Variants in CLHC1 observed in about 807,000 individuals in gnomAD.
The protein encoded by CLHC1 is clathrin heavy chain linker domain-containing protein 1.
In CLHC1, 72 loss-of-function variants were observed where a neutral mutation model predicts 69.5. The ratio of observed to expected loss-of-function variants is 1.04; its 90% CI spans 0.86 to 1.26. The LOEUF is 1.26. Among genes scored for constraint, CLHC1 ranks in the 50% most tolerant of loss-of-function variants. The pLI is 0.00. For missense variants in CLHC1, 790 were observed against 679.3 expected (o/e 1.16, Z -1.81); for synonymous variants, 223 against 224.3 (o/e 0.99, Z 0.05).
intron 3 of CLHC1, chr2:55,218,709 T>A (rs772316475): frequency 6.6e-6 from 1 of 152,224 alleles, no homozygotes; most frequent in African/African-American, 2.4e-5. Flanking sequence ...GTTAATCTTA[T>A]ATATGCATTA....
Position 55,232,236 on chromosome 2 carries a change from C to T in CLHC1, c.-269G>A. The stretch of plus-strand genomic sequence containing the variant: ...GCTTCATCCTACCTCCAGTCCTCAC[C>T]TGAGTCCTTTTCTCCAAACACCGAC... On this transcript the variant is annotated 5_prime_UTR_variant, in exon 1 of 13. Transcript: ENST00000401408. 1 of 181,132 alleles carries T rather than the reference C, an allele frequency of 5.5e-6. No individual in the cohort carries two copies. Among genetic ancestry groups the T allele is most frequent in the South Asian group, 1.0e-4 (1 of 9,858 alleles). The allele number at this position is 181,132 out of a possible 1,614,324, so 11.2% of individuals were successfully genotyped here.
Position 55,225,799 on chromosome 2 carries a change from T to A in CLHC1, c.-83+2233A>T, listed in dbSNP as rs192615298. On this transcript the variant is annotated intron_variant, in intron 2 of 12. Transcript: ENST00000401408. The stretch of plus-strand genomic sequence containing the variant: ...TAGCAGTTGGTGGGGCACTGATCTG[T>A]GAGCTCTGGAATGTCTGCTTAGATT... 7 of 152,388 alleles carry A rather than the reference T, an allele frequency of 4.6e-5. No individual in the cohort carries two copies. The East Asian group carries it at 1.3e-3, about 29-fold the overall frequency. 9.4% of individuals were successfully genotyped at this position (152,388 alleles called of 1,614,324 possible).
At chr2:55,203,049 A>T (rs1672113233) in intron 9 of CLHC1, among the ~76,000 whole-genome samples, 1 of 152,200 alleles carries the variant, frequency 6.6e-6, no homozygotes, top group Admixed American at 6.5e-5. Context: ...TAATAGCCAC[A>T]AATTAAATAC....
chr2:55,213,884 A>G (rs933407155), intron 4 of CLHC1, among the ~76,000 whole-genome samples: 1 of 152,194 alleles, frequency 6.6e-6, no homozygotes, highest in Non-Finnish European at 1.5e-5. Context: ...GCTAAGGAGC[A>G]GGGTGGGGTC....
Position 55,212,771 on chromosome 2 carries a change from T to A in CLHC1, c.401A>T (p.Gln134Leu), listed in dbSNP as rs1392005867. The A allele has an allele frequency of 1.2e-6, 2 of 1,603,204 alleles. No homozygotes were observed. Among genetic ancestry groups the A allele is most frequent in the South Asian group, 2.2e-5 (2 of 90,894 alleles). ...CTGCTTGATGTGATCTATTTGAGATTGAATCTTCGAGGAATTACTTTCGAT... is the reference window on the plus strand; with the variant it reads ...CTGCTTGATGTGATCTATTTGAGATAGAATCTTCGAGGAATTACTTTCGAT... ...RIIESNSSKIQSQIDHIKQCR... is the reference protein window; with the variant it reads ...RIIESNSSKILSQIDHIKQCR... The change falls in exon 5 of 13, where the codon CAA (glutamine) becomes CTA (leucine). Residue 134 changes from glutamine (Q) to leucine (L), a missense_variant. Physicochemically the swap from Gln to Leu is moderately radical, Grantham distance 113. Coordinates refer to ENST00000401408, the MANE Select transcript of CLHC1 (RefSeq NM_152385.4).
Position 55,181,635 on chromosome 2 carries a change from T to A in CLHC1, c.1116A>T (p.Glu372Asp). 1 of 1,613,806 alleles carries A rather than the reference T, an allele frequency of 6.2e-7. No individual in the cohort carries two copies. Among genetic ancestry groups the A allele is most frequent in the Non-Finnish European group, 8.5e-7 (1 of 1,179,874 alleles). Residue 372 changes from glutamate (E) to aspartate (D), a missense_variant, in exon 10 of 13, where the codon GAA becomes GAT. Glu to Asp is a conservative substitution (Grantham distance 45). Coordinates refer to ENST00000401408, the MANE Select transcript of CLHC1 (RefSeq NM_152385.4). The stretch of plus-strand genomic sequence containing the variant: ...TTTCTGATAATCCACATTTGATTCC[T>A]TCCAGGGTTAGAGCTGCATCAACAG... ...PCPVDAALTL[E>D]GIKCGLSEKR...
At chr2:55,178,600 C>T (rs1200897346) in intron 11 of CLHC1, among the ~76,000 whole-genome samples, 3 of 152,086 alleles carry the variant, frequency 2.0e-5, no homozygotes, top group South Asian at 4.1e-4. Context: ...CGCAGTCTCC[C>T]GCCTCAGCCT....
intron 9 of CLHC1, among the ~76,000 whole-genome samples, chr2:55,198,760 A>G (rs1671666208): frequency 6.6e-6 from 1 of 152,196 alleles, no homozygotes. Flanking sequence ...AGATCCTAAA[A>G]GCAGCAAGAG....
intron 9 of CLHC1, among the ~76,000 whole-genome samples, chr2:55,202,773 C>T (rs1328367787): frequency 6.6e-6 from 1 of 151,296 alleles, no homozygotes; most frequent in African/African-American, 2.4e-5. Flanking sequence ...GTGGTGCACA[C>T]CTGTTGGCCC....
At chr2:55,182,751 C>G (rs1181303627) in intron 9 of CLHC1, among the ~76,000 whole-genome samples, 1 of 152,050 alleles carries the variant, frequency 6.6e-6, no homozygotes, top group Non-Finnish European at 1.5e-5. Context: ...ATTGCATGTT[C>G]CTTAAGGGTG....
chr2:55,176,287 G>T (rs183448282), intron 12 of CLHC1, among the ~76,000 whole-genome samples: 1 of 152,256 alleles, frequency 6.6e-6, no homozygotes, highest in Non-Finnish European at 1.5e-5. Flanking sequence ...GATGTTGAAG[G>T]CTATAAGGCA....
At chr2:55,201,522 A>T (rs1008759506) in intron 9 of CLHC1, among the ~76,000 whole-genome samples, 1 of 152,200 alleles carries the variant, frequency 6.6e-6, no homozygotes, top group Non-Finnish European at 1.5e-5. Flanking sequence ...AAGCTGTAAT[A>T]TAAGGTCTTC....
At chr2:55,195,757 C>G (rs1389854646) in intron 9 of CLHC1, among the ~76,000 whole-genome samples, 2 of 152,144 alleles carry the variant, frequency 1.3e-5, no homozygotes, top group Non-Finnish European at 2.9e-5. Flanking sequence ...AGCCGTTGCA[C>G]CACTGCACTC....
At chr2:55,197,284 GA>G (rs1221797147) in intron 9 of CLHC1, among the ~76,000 whole-genome samples, 9 of 151,654 alleles carry the variant, frequency 5.9e-5, no homozygotes, top group Admixed American at 1.3e-4. Flanking sequence ...TACCATGAAG[GA>G]AAAAAAACAA....
chr2:55,224,749 A>G (rs1002868157), intron 2 of CLHC1: 5 of 327,764 alleles, frequency 1.5e-5, no homozygotes, highest in Admixed American at 1.1e-4. Flanking sequence ...CCTTGTGTCC[A>G]TGAGAACATC....
In CLHC1 at chr2:55,181,721, G is replaced by T. The variant is rs201212877; in HGVS notation, c.1030C>A (p.Pro344Thr). The T allele has an allele frequency of 1.2e-6, 2 of 1,612,106 alleles. No homozygotes were observed. The highest frequency in any genetic ancestry group is 2.7e-5 in the African/African-American group (2 of 74,890). Residue 344 changes from proline (P) to threonine (T), a missense_variant, in exon 10 of 13, where the codon CCT becomes ACT. Transcript: ENST00000401408. Reference sequence around the variant, plus strand: ...TCAAAAAATAAGAGTAATGGAAGAGGCTTTCCTCTAATTTTTCCAACAGCT... The same window carrying T: ...TCAAAAAATAAGAGTAATGGAAGAGTCTTTCCTCTAATTTTTCCAACAGCT... ...FKAVGKIRGK[P>T]LPLLLFFEAL... is the part of the protein sequence containing the mutation.
intron 12 of CLHC1, 71 bp from the exon 13 acceptor site, chr2:55,176,057 A>C: frequency 7.9e-7 from 1 of 1,271,070 alleles, no homozygotes; most frequent in South Asian, 1.4e-5. Flanking sequence ...ATTCTTCAAA[A>C]ATAGAAAAGG....
intron 9 of CLHC1, among the ~76,000 whole-genome samples, chr2:55,197,038 T>C (rs916759069): frequency 6.6e-6 from 1 of 152,116 alleles, no homozygotes; most frequent in Non-Finnish European, 1.5e-5. Context: ...GGGCCTTGAC[T>C]GAACATTGGT....
At chr2:55,177,957 A>AC (rs1669562946) in intron 11 of CLHC1, among the ~76,000 whole-genome samples, 176 bp from the exon 12 acceptor site, 1 of 151,868 alleles carries the variant, frequency 6.6e-6, no homozygotes, top group African/African-American at 2.4e-5. Flanking sequence ...CCCGTCAAAA[A>AC]AAATCATGCT....
Sources: allele counts gnomAD v4.1 joint callset (sites outside exome capture counted in the v4.1 genomes callset), GRCh38; gene constraint gnomAD v4.1.1; transcripts MANE v1.5; gene names NCBI Gene and HGNC (gene_info 2026-07-23, HGNC 2026-07-21).